Variants in NBAS observed in about 807,000 individuals in gnomAD.
The protein encoded by NBAS is NAG/BC035112 fusion.
Under a neutral mutation model 302.5 loss-of-function variants are expected in NBAS, and 219 were observed. The ratio of observed to expected loss-of-function variants is 0.72; its 90% CI spans 0.65 to 0.81. NBAS has a LOEUF of 0.81. Ranked by LOEUF, NBAS falls within the 30% of genes least tolerant of loss-of-function variation. NBAS has a pLI of 0.00. For synonymous variants in NBAS, 1,118 were observed against 1,021.6 expected (o/e 1.09, Z -1.80); for missense variants, 2,932 against 2,841.6 (o/e 1.03, Z -0.72).
the NBAS span, among the ~76,000 whole-genome samples, chr2:15,071,930 A>T: frequency 6.6e-6 from 1 of 152,236 alleles, no homozygotes; most frequent in South Asian, 2.1e-4. Context: ...GAAAAAAGTC[A>T]AGTGTATTGA....
chr2:15,260,227 C>A (rs1479596751), intron 44 of NBAS, among the ~76,000 whole-genome samples: 4 of 152,084 alleles, frequency 2.6e-5, no homozygotes, highest in Non-Finnish European at 4.4e-5. Context: ...TTTAATTTAG[C>A]TACATGAGTA....
the NBAS span, among the ~76,000 whole-genome samples, chr2:14,989,375 TG>T: frequency 6.6e-6 from 1 of 151,044 alleles, no homozygotes; most frequent in East Asian, 1.9e-4. Context: ...CTGGCCAACA[TG>T]GTGAAACCCC....
chr2:15,035,521 T>C, the NBAS span, among the ~76,000 whole-genome samples: 1 of 152,194 alleles, frequency 6.6e-6, no homozygotes, highest in African/African-American at 2.4e-5. Flanking sequence ...GTCATTCTGT[T>C]ATAAAGATAC....
intron 16 of NBAS, among the ~76,000 whole-genome samples, chr2:15,472,815 C>T (rs1379617955): frequency 6.6e-6 from 1 of 152,142 alleles, no homozygotes; most frequent in East Asian, 1.9e-4. Context: ...TAGTCCTTAG[C>T]GTTCTCTTCA....
intron 48 of NBAS, among the ~76,000 whole-genome samples, chr2:15,195,980 A>C (rs995254956): frequency 8.5e-5 from 13 of 152,244 alleles, no homozygotes; most frequent in Admixed American, 8.5e-4. Context: ...AAACCCCAGA[A>C]GCATGCCAAT....
chr2:15,344,433 T>G, intron 35 of NBAS, among the ~76,000 whole-genome samples: 2 of 152,042 alleles, frequency 1.3e-5, no homozygotes, highest in Non-Finnish European at 2.9e-5. Context: ...CCTGGACACA[T>G]ACATACATAA....
At chr2:15,244,524 C>A (rs1668001406) in intron 44 of NBAS, among the ~76,000 whole-genome samples, 1 of 152,188 alleles carries the variant, frequency 6.6e-6, no homozygotes, top group South Asian at 2.1e-4. Flanking sequence ...GTCGTGTCTG[C>A]CAAATATCTC....
the NBAS span, among the ~76,000 whole-genome samples, chr2:15,159,369 G>A: frequency 6.6e-6 from 1 of 152,206 alleles, no homozygotes; most frequent in East Asian, 1.9e-4. Context: ...TGAACGAGGT[G>A]TTATGATGCT....
At chr2:15,271,030 C>T (rs1363188539) in intron 44 of NBAS, among the ~76,000 whole-genome samples, 1 of 152,202 alleles carries the variant, frequency 6.6e-6, no homozygotes, top group Non-Finnish European at 1.5e-5. Flanking sequence ...GTTACAGCTA[C>T]AATGCAACCT....
the NBAS span, among the ~76,000 whole-genome samples, chr2:14,879,970 A>C: frequency 6.6e-6 from 1 of 152,204 alleles, no homozygotes; most frequent in Non-Finnish European, 1.5e-5. Flanking sequence ...GCAGTTTGAA[A>C]ATACAGAGGC....
At chr2:15,357,422 T>A (rs1673675085) in intron 32 of NBAS, among the ~76,000 whole-genome samples, 1 of 152,204 alleles carries the variant, frequency 6.6e-6, no homozygotes, top group African/African-American at 2.4e-5. Flanking sequence ...ACCCTTAAAA[T>A]TTTAATGAGC....
the NBAS span, among the ~76,000 whole-genome samples, chr2:14,954,442 T>C: frequency 6.6e-6 from 1 of 152,184 alleles, no homozygotes; most frequent in Non-Finnish European, 1.5e-5. Flanking sequence ...ACCACCTGTT[T>C]GCTGCAGTCT....
intron 21 of NBAS, among the ~76,000 whole-genome samples, chr2:15,451,050 C>T (rs114030328): frequency 1.2e-3 from 182 of 148,116 alleles, no homozygotes; most frequent in African/African-American, 4.3e-3. Flanking sequence ...ATTCATTCAT[C>T]CATTTATTTA....
rs1176314146 is a variant in NBAS at position 15,167,066 on chromosome 2, T to C, written c.7098A>G (p.Ala2366=). ...GTGGCCCTCACACCCAGTGCTGTGC[T>C]GCGCGGAGGGCTGTACTGAAGGTTC... is the stretch of plus-strand genomic sequence containing the variant. The part of the protein sequence containing the change: ...AFRTFSTALR[A]AQHWV Residue 2366 remains alanine, a synonymous_variant, in exon 52 of 52, where the codon GCA becomes GCG. Transcript: ENST00000281513. 3 of 1,590,726 alleles carry C rather than the reference T, an allele frequency of 1.9e-6. No homozygotes were observed. Among genetic ancestry groups the C allele is most frequent in the South Asian group, 2.3e-5 (2 of 87,286 alleles).
chr2:15,559,392 T>C (rs1303917794), intron 1 of NBAS, among the ~76,000 whole-genome samples: 2 of 152,200 alleles, frequency 1.3e-5, no homozygotes, highest in Non-Finnish European at 2.9e-5. Context: ...AGATACGTAA[T>C]TGCTATATTA....
chr2:15,092,208 C>T, the NBAS span, among the ~76,000 whole-genome samples: 1 of 152,030 alleles, frequency 6.6e-6, no homozygotes, highest in African/African-American at 2.4e-5. Context: ...TTTAAAGATC[C>T]CAAGTAAGGA....
At chr2:14,994,864 C>A in the NBAS span, among the ~76,000 whole-genome samples, 3 of 152,138 alleles carry the variant, frequency 2.0e-5, no homozygotes, top group Non-Finnish European at 4.4e-5. Context: ...GGTAACTTCC[C>A]AACAGGGAGC....
intron 22 of NBAS, among the ~76,000 whole-genome samples, chr2:15,425,037 A>G (rs758220942): frequency 4.6e-5 from 7 of 152,054 alleles, no homozygotes; most frequent in Non-Finnish European, 1.0e-4. Flanking sequence ...ATTCCCTATC[A>G]ACTGTGAAAA....
intron 9 of NBAS, among the ~76,000 whole-genome samples, chr2:15,530,262 A>C (rs1663157036): frequency 6.6e-6 from 1 of 152,136 alleles, no homozygotes; most frequent in African/African-American, 2.4e-5. Flanking sequence ...TTTAACCCTC[A>C]AAACACCCTG....
Sources: gnomAD v4.1 joint callset for allele counts (sites outside exome capture counted in the v4.1 genomes callset) on GRCh38, gnomAD v4.1.1 for gene constraint, MANE v1.5 for transcripts, NCBI Gene and HGNC (gene_info 2026-07-23, HGNC 2026-07-21) for gene names.